The following FAM168B variants were observed in gnomAD, a reference collection of about 807,000 sequenced individuals.
FAM168B encodes myelin-associated neurite-outgrowth inhibitor.
Under a neutral mutation model 21.8 loss-of-function variants are expected in FAM168B, and 19 were observed. That is an observed-to-expected ratio of 0.87 (90% CI 0.61 to 1.28). The LOEUF (loss-of-function observed/expected upper bound fraction) is 1.28, where lower values mean the gene tolerates loss of function less well. Among genes scored for constraint, FAM168B ranks in the 50% most tolerant of loss-of-function variants. The pLI, the probability that FAM168B is intolerant of heterozygous loss-of-function variation, is 0.00. For missense variants in FAM168B, 233 were observed against 263.1 expected (o/e 0.89, Z 0.79); for synonymous variants, 126 against 104.8 (o/e 1.20, Z -1.24).
intron 5 of FAM168B, 44 bp downstream of exon 5, chr2:131,055,228 C>G (rs762902146): frequency 6.9e-7 from 1 of 1,446,958 alleles, no homozygotes; most frequent in African/African-American, 1.5e-5. Context: ...TCCCCCAGCT[C>G]TAGGGTACAC....
chr2:131,071,120 C>G (rs966094957), intron 3 of FAM168B, among the ~76,000 whole-genome samples: 1 of 152,150 alleles, frequency 6.6e-6, no homozygotes, highest in African/African-American at 2.4e-5. Flanking sequence ...ATTAACAAAA[C>G]AGGAAGAATC....
At chr2:131,059,124 A>G (rs1002419636) in intron 3 of FAM168B, among the ~76,000 whole-genome samples, 1 of 152,176 alleles carries the variant, frequency 6.6e-6, no homozygotes, top group African/African-American at 2.4e-5. Context: ...CAGAGAGGCT[A>G]TTCACCATCA....
At chr2:131,077,474 G>A (rs1693216127) in intron 2 of FAM168B, among the ~76,000 whole-genome samples, 1 of 152,184 alleles carries the variant, frequency 6.6e-6, no homozygotes, top group African/African-American at 2.4e-5. Context: ...ACAGTCTGAG[G>A]CTCTCCCTAA....
Position 131,049,261 on chromosome 2 carries a change from G to C in FAM168B, c.*3204C>G. On this transcript the variant is annotated 3_prime_UTR_variant, in exon 7 of 7. Coordinates refer to ENST00000389915, the MANE Select transcript of FAM168B (RefSeq NM_001009993.4). ...ATGCCACCAGAAAGAGCAAGGTACT[G>C]TATGCCCAGCTGGGGAAGGGCAAGA... 1 of 985,492 alleles carries C rather than the reference G, an allele frequency of 1.0e-6. No individual in the cohort carries two copies. The highest frequency in any genetic ancestry group is 1.2e-6 in the Non-Finnish European group (1 of 829,994). 61.0% of individuals were successfully genotyped at this position (985,492 alleles called of 1,614,324 possible). A position where few individuals can be genotyped will look rare whatever the true frequency, so the allele number is the denominator to read the frequency against.
chr2:131,074,905 A>T (rs1250658663), intron 2 of FAM168B, among the ~76,000 whole-genome samples: 1 of 152,150 alleles, frequency 6.6e-6, no homozygotes, highest in Non-Finnish European at 1.5e-5. Context: ...AGTGTCACCA[A>T]GCCCTAGCCC....
chr2:131,082,765 A>G lies in FAM168B; in HGVS notation c.-11-108T>C, dbSNP rs1042825604. ...TAGAGTCCTTTCTCTAGGCTGCTATAAAACAATGCATTTCATGCTGCCCCC... is the reference window on the plus strand; with the variant it reads ...TAGAGTCCTTTCTCTAGGCTGCTATGAAACAATGCATTTCATGCTGCCCCC... On this transcript the variant is annotated intron_variant, in intron 1 of 6. Transcript: ENST00000389915. 2.4e-5 allele frequency: 16 copies of G among 654,254 alleles called. No homozygotes were observed. The African/African-American group carries it at 3.0e-4, about 12-fold the overall frequency. 40.5% of individuals were successfully genotyped at this position (654,254 alleles called of 1,614,324 possible).
intron 1 of FAM168B, among the ~76,000 whole-genome samples, chr2:131,088,149 G>C (rs563536352): frequency 9.9e-5 from 15 of 152,224 alleles, no homozygotes; most frequent in African/African-American, 3.4e-4. Flanking sequence ...GGGAGGCTAA[G>C]GCATGAGAAC....
At chr2:131,053,916 A>G (rs556103650) in intron 5 of FAM168B, among the ~76,000 whole-genome samples, 2 of 152,120 alleles carry the variant, frequency 1.3e-5, no homozygotes, top group South Asian at 4.1e-4. Flanking sequence ...TAAATAAAAA[A>G]CAAGAGGCTG....
intron 2 of FAM168B, among the ~76,000 whole-genome samples, chr2:131,077,212 TA>T (rs34175924): frequency 0.18 from 23,777 of 130,240 alleles, 2,232 homozygotes; most frequent in African/African-American, 0.29. Flanking sequence ...CTATTACATT[TA>T]AAAAAAAAAA....
chr2:131,057,778 T>A (rs1411339323), intron 3 of FAM168B, among the ~76,000 whole-genome samples: 3 of 152,212 alleles, frequency 2.0e-5, no homozygotes, highest in Admixed American at 2.0e-4. Context: ...AGTTAATTTT[T>A]AAAAAATTTT....
chr2:131,075,443 G>A (rs991606559), intron 2 of FAM168B, among the ~76,000 whole-genome samples: 3 of 152,006 alleles, frequency 2.0e-5, no homozygotes, highest in Admixed American at 1.3e-4. Context: ...TGTGTTTAAC[G>A]GTCCCTGAAA....
At chr2:131,075,447 C>G (rs1429630060) in intron 2 of FAM168B, among the ~76,000 whole-genome samples, 1 of 151,960 alleles carries the variant, frequency 6.6e-6, no homozygotes, top group Non-Finnish European at 1.5e-5. Context: ...TTTAACGGTC[C>G]CTGAAAAACT....
Position 131,051,794 on chromosome 2 carries a change from C to T in FAM168B, c.*671G>A. The T allele has an allele frequency of 1.0e-6, 1 of 985,434 alleles. No individual in the cohort carries two copies. Among genetic ancestry groups the T allele is most frequent in the Non-Finnish European group, 1.2e-6 (1 of 829,954 alleles). 61.0% of individuals were successfully genotyped at this position (985,434 alleles called of 1,614,324 possible). ...TCCCTGTTCCACTGACTCCACCAAG[C>T]CTAAACTCAAAGGGATGTCCATGAA... On this transcript the variant is annotated 3_prime_UTR_variant, in exon 7 of 7. Coordinates refer to ENST00000389915, the MANE Select transcript of FAM168B (RefSeq NM_001009993.4).
At chr2:131,065,647 G>A (rs550776771) in intron 3 of FAM168B, among the ~76,000 whole-genome samples, 10 of 151,850 alleles carry the variant, frequency 6.6e-5, no homozygotes, top group South Asian at 4.2e-4. Context: ...AAAATTAGCC[G>A]GCGTGGTGGA....
At chr2:131,091,072 G>A (rs868255945) in intron 1 of FAM168B, among the ~76,000 whole-genome samples, 4 of 152,164 alleles carry the variant, frequency 2.6e-5, no homozygotes, top group Non-Finnish European at 4.4e-5. Flanking sequence ...GGTGGCTCAC[G>A]CCTGTAATCC....
Position 131,052,389 on chromosome 2 carries a change from G to A in FAM168B, c.*76C>T, listed in dbSNP as rs146628434. 61 of 986,778 alleles carry A rather than the reference G, an allele frequency of 6.2e-5. No individual in the cohort carries two copies. The highest frequency in any genetic ancestry group is 1.2e-4 in the African/African-American group (7 of 57,346). 61.1% of individuals were successfully genotyped at this position (986,778 alleles called of 1,614,324 possible). A position where few individuals can be genotyped will look rare whatever the true frequency, so the allele number is the denominator to read the frequency against. ...TAAGAAGAAAGTCCTGGTTGGAGGC[G>A]CAAGGCCTGCAGCACCAGCTGTGGA... On this transcript the variant is annotated 3_prime_UTR_variant, in exon 7 of 7. Coordinates refer to ENST00000389915, the MANE Select transcript of FAM168B (RefSeq NM_001009993.4).
At position 131,050,774 on chromosome 2, in the gene FAM168B, A is replaced by C. The variant is rs1691617141; in HGVS notation, c.*1691T>G. On this transcript the variant is annotated 3_prime_UTR_variant, in exon 7 of 7. Transcript: ENST00000389915. ...CTAGTGGGCATCCTCACTGGGCGCC[A>C]GTGCCCTGACCCAGCTACCAGCAAA... The C allele has an allele frequency of 1.0e-6, 1 of 985,328 alleles. No individual in the cohort carries two copies. Among genetic ancestry groups the C allele is most frequent in the African/African-American group, 1.7e-5 (1 of 57,236 alleles). 61.0% of individuals were successfully genotyped at this position (985,328 alleles called of 1,614,324 possible). A position where few individuals can be genotyped will look rare whatever the true frequency, so the allele number is the denominator to read the frequency against.
chr2:131,048,241 C>T lies in FAM168B; in HGVS notation c.*4224G>A, dbSNP rs1194840081. Reference sequence around the variant, plus strand: ...TCCATGAGGCTCTCTAGGGCCTCTCCGTGTGGCCAGCACAGCAACCCTGCT... The same window carrying T: ...TCCATGAGGCTCTCTAGGGCCTCTCTGTGTGGCCAGCACAGCAACCCTGCT... On this transcript the variant is annotated 3_prime_UTR_variant, in exon 7 of 7. Transcript: ENST00000389915. 2.3e-6 allele frequency: 3 copies of T among 1,303,944 alleles called. No homozygotes were observed. The highest frequency in any genetic ancestry group is 2.5e-5 in the South Asian group (2 of 80,976). The allele number at this position is 1,303,944 out of a possible 1,614,324, so 80.8% of individuals were successfully genotyped here.
intron 3 of FAM168B, among the ~76,000 whole-genome samples, chr2:131,064,450 T>A (rs917777530): frequency 1.3e-5 from 2 of 152,086 alleles, no homozygotes; most frequent in Admixed American, 6.6e-5. Context: ...TTACACTCAA[T>A]CAGGCACCAA....
Sources: gnomAD v4.1 joint callset for allele counts (sites outside exome capture counted in the v4.1 genomes callset) on GRCh38, gnomAD v4.1.1 for gene constraint, MANE v1.5 for transcripts, NCBI Gene and HGNC (gene_info 2026-07-23, HGNC 2026-07-21) for gene names.